ADAM12: variants seen among roughly 807,000 people sequenced by gnomAD.
ADAM12 encodes disintegrin and metalloproteinase domain-containing protein 12.
Under a neutral mutation model 106.4 loss-of-function variants are expected in ADAM12, and 70 were observed. That is an observed-to-expected ratio of 0.66 (90% CI 0.54 to 0.80). ADAM12 has a LOEUF of 0.80. Ranked by LOEUF, ADAM12 falls within the 30% of genes least tolerant of loss-of-function variation. ADAM12 has a pLI of 0.00. For missense variants in ADAM12, 1,010 were observed against 1,171.9 expected (o/e 0.86, Z 2.02); for synonymous variants, 420 against 433.5 (o/e 0.97, Z 0.39).
intron 14 of ADAM12, among the ~76,000 whole-genome samples, chr10:126,060,638 A>G (rs987268070): frequency 2.6e-5 from 4 of 152,144 alleles, no homozygotes; most frequent in African/African-American, 9.7e-5. Context: ...ATTCAAACCA[A>G]CCACTACAAC....
At chr10:126,088,604 G>A (rs1955402944) in intron 11 of ADAM12, among the ~76,000 whole-genome samples, 1 of 151,992 alleles carries the variant, frequency 6.6e-6, no homozygotes, top group Non-Finnish European at 1.5e-5. Flanking sequence ...CAGCTACTCG[G>A]GAGGCTGAGG....
chr10:126,203,366 T>G (rs1347026909), intron 3 of ADAM12, among the ~76,000 whole-genome samples: 1 of 152,228 alleles, frequency 6.6e-6, no homozygotes, highest in Non-Finnish European at 1.5e-5. Context: ...CAGTTGTTAC[T>G]AAAATCATAT....
intron 21 of ADAM12, among the ~76,000 whole-genome samples, chr10:126,025,511 CAGA>C (rs200519762): frequency 2.0e-5 from 3 of 152,042 alleles, no homozygotes; most frequent in East Asian, 1.9e-4. Flanking sequence ...AAGGAATGAA[CAGA>C]AGGTCTTGAG....
chr10:126,254,053 C>G (rs1352754251), intron 3 of ADAM12, among the ~76,000 whole-genome samples: 2 of 152,202 alleles, frequency 1.3e-5, no homozygotes, highest in African/African-American at 4.8e-5. Context: ...TCCTATGGCC[C>G]CTCTGCTACC....
At chr10:126,113,523 A>G (rs2446695) in intron 6 of ADAM12, among the ~76,000 whole-genome samples, 96,211 of 143,944 alleles carry the variant, frequency 0.67, 32,844 homozygotes, top group African/African-American at 0.81. Flanking sequence ...AGCCAGGTGT[A>G]GTGGTACACG....
chr10:126,260,992 T>C (rs1958990337), intron 3 of ADAM12, among the ~76,000 whole-genome samples: 1 of 152,130 alleles, frequency 6.6e-6, no homozygotes, highest in Non-Finnish European at 1.5e-5. Flanking sequence ...GCAATAAAAA[T>C]GATACAAATT....
At chr10:126,030,511 C>T (rs1953953749) in intron 21 of ADAM12, among the ~76,000 whole-genome samples, 1 of 152,182 alleles carries the variant, frequency 6.6e-6, no homozygotes, top group African/African-American at 2.4e-5. Context: ...CCTATATTAC[C>T]TATTAGCAAA....
chr10:126,160,025 T>C (rs1956904570), intron 3 of ADAM12, among the ~76,000 whole-genome samples: 1 of 152,218 alleles, frequency 6.6e-6, no homozygotes, highest in Non-Finnish European at 1.5e-5. Context: ...TTCGAGTTTT[T>C]CTTATGCAGT....
At chr10:126,047,162 A>G (rs1954348766) in intron 16 of ADAM12, among the ~76,000 whole-genome samples, 1 of 152,216 alleles carries the variant, frequency 6.6e-6, no homozygotes, top group Non-Finnish European at 1.5e-5. Context: ...TATCTCCTAT[A>G]AGATTTTACA....
rs371447621 is a variant in ADAM12, at chr10:126,052,654, CAAAG to C, written c.1610-2989_1610-2986del. On this transcript the variant is annotated intron_variant, in intron 14 of 22. Coordinates refer to ENST00000448723, the MANE Select transcript of ADAM12 (RefSeq NM_001288973.2). Reference sequence around the variant, plus strand: ...ACTGGGGAGTACAGAAGGATAAAAACAAAGAGAGGAAGGGGGAGAGAGAGAGGAC... The same window carrying C: ...ACTGGGGAGTACAGAAGGATAAAAACAGAGGAAGGGGGAGAGAGAGAGGAC... 2.5e-3 allele frequency among the ~76,000 whole-genome samples: 382 copies of C among 152,070 alleles called. 3 individuals are homozygous for C. The highest frequency in any genetic ancestry group is 0.02 in the South Asian group (95 of 4,806).
chr10:126,069,047 G>C (rs1169492613), intron 12 of ADAM12, among the ~76,000 whole-genome samples: 2 of 152,140 alleles, frequency 1.3e-5, no homozygotes, highest in African/African-American at 2.4e-5. Context: ...GGGTCCCTCT[G>C]TGGGCCAGGG....
At chr10:126,258,674 A>G (rs1001228464) in intron 3 of ADAM12, among the ~76,000 whole-genome samples, 5 of 152,008 alleles carry the variant, frequency 3.3e-5, no homozygotes, top group African/African-American at 1.2e-4. Context: ...CCTCCATGCC[A>G]CAAGCTCCTC....
intron 1 of ADAM12, among the ~76,000 whole-genome samples, chr10:126,351,845 C>T (rs1453138480): frequency 6.6e-6 from 1 of 152,130 alleles, no homozygotes; most frequent in Non-Finnish European, 1.5e-5. Flanking sequence ...TATTTATAAT[C>T]CCCCCACTCC....
At chr10:126,031,004 T>G (rs1953962272) in intron 21 of ADAM12, among the ~76,000 whole-genome samples, 1 of 152,202 alleles carries the variant, frequency 6.6e-6, no homozygotes, top group African/African-American at 2.4e-5. Flanking sequence ...GGGATCAGTC[T>G]ATGCCTTCAG....
chr10:126,158,035 G>T (rs1475134995), intron 3 of ADAM12, among the ~76,000 whole-genome samples: 1 of 152,234 alleles, frequency 6.6e-6, no homozygotes, highest in East Asian at 1.9e-4. Context: ...GACAGGCGAG[G>T]TGAACGAATG....
At chr10:126,354,153 T>C (rs1219903624) in intron 1 of ADAM12, among the ~76,000 whole-genome samples, 1 of 152,152 alleles carries the variant, frequency 6.6e-6, no homozygotes, top group Admixed American at 6.5e-5. Flanking sequence ...TGTCTATCTT[T>C]GGACAAGTAA....
chr10:126,215,500 G>A (rs1957971811), intron 3 of ADAM12, among the ~76,000 whole-genome samples: 2 of 152,154 alleles, frequency 1.3e-5, no homozygotes, highest in South Asian at 4.1e-4. Context: ...GTAATCAAGG[G>A]CTTAGGTTCT....
chr10:126,100,982 G>A (rs1955653085), intron 9 of ADAM12, 90 bp downstream of exon 9: 1 of 1,423,470 alleles, frequency 7.0e-7, no homozygotes. Context: ...CTGCAGAAAG[G>A]TGGCAGCTCC....
chr10:126,135,805 C>A (rs1956394654), intron 4 of ADAM12, 145 bp from the exon 5 acceptor site: 1 of 713,402 alleles, frequency 1.4e-6, no homozygotes, highest in Non-Finnish European at 2.4e-6. Flanking sequence ...ATGCAAAGCC[C>A]AACATGACCC....
Sources: allele counts gnomAD v4.1 joint callset (sites outside exome capture counted in the v4.1 genomes callset), GRCh38; gene constraint gnomAD v4.1.1; transcripts MANE v1.5; gene names NCBI Gene and HGNC (gene_info 2026-07-23, HGNC 2026-07-21).